ATXN1: variants seen among roughly 807,000 people sequenced by gnomAD.
ATXN1 encodes the protein ataxin 1.
ATXN1 carries 8 observed loss-of-function variants against 56.4 expected under a neutral mutation model. That is an observed-to-expected ratio of 0.14 (90% confidence interval 0.08 to 0.26). ATXN1 has a LOEUF of 0.26. Among genes scored for constraint, ATXN1 ranks in the 10% least tolerant of loss-of-function variants. ATXN1 has a pLI of 1.00. For synonymous variants in ATXN1, 514 were observed against 494.6 expected (o/e 1.04, Z -0.52); for missense variants, 987 against 1,106.5 (o/e 0.89, Z 1.53).
chr6:16,459,536 C>T (rs1490455112), intron 6 of ATXN1, among the ~76,000 whole-genome samples: 2 of 152,162 alleles, frequency 1.3e-5, no homozygotes, highest in African/African-American at 4.8e-5. Context: ...TCCTCTATAT[C>T]CGGTTGTACC....
At chr6:16,705,516 G>A (rs949838340) in intron 2 of ATXN1, among the ~76,000 whole-genome samples, 14 of 152,286 alleles carry the variant, frequency 9.2e-5, no homozygotes, top group African/African-American at 3.1e-4. Flanking sequence ...ATCACAGTGA[G>A]TGGTGTCATT....
In ATXN1 at chr6:16,469,689, T is replaced by C. The variant is rs77728344; in HGVS notation, c.-161+16283A>G. 3.0e-3 allele frequency among the ~76,000 whole-genome samples: 453 copies of C among 152,164 alleles called. 2 individuals carry two copies. Among genetic ancestry groups the C allele is most frequent in the African/African-American group, 9.6e-3 (400 of 41,514 alleles). ...TGAAAGAGAGTTGGTGAAGACTGGG[T>C]GCGGTGGCTCATGCCTGTAATCCCA... On this transcript the variant is annotated intron_variant, in intron 6 of 7. Transcript: ENST00000436367.
At chr6:16,681,010 C>T (rs1354258293) in intron 2 of ATXN1, among the ~76,000 whole-genome samples, 1 of 151,904 alleles carries the variant, frequency 6.6e-6, no homozygotes, top group Non-Finnish European at 1.5e-5. Flanking sequence ...GCTACAAGAC[C>T]AAAAATTGTG....
chr6:16,371,431 T>A (rs749801428), intron 6 of ATXN1, among the ~76,000 whole-genome samples: 29 of 152,296 alleles, frequency 1.9e-4, no homozygotes, highest in Middle Eastern at 3.4e-3. Context: ...GTTTTATTAT[T>A]TGTATTTAAC....
intron 4 of ATXN1, among the ~76,000 whole-genome samples, chr6:16,561,287 T>C (rs909779967): frequency 1.3e-5 from 2 of 152,166 alleles, no homozygotes; most frequent in Admixed American, 6.5e-5. Context: ...CCTAAAACTA[T>C]CTGATTAACT....
At chr6:16,730,815 T>A (rs1474220009) in intron 2 of ATXN1, among the ~76,000 whole-genome samples, 1 of 152,136 alleles carries the variant, frequency 6.6e-6, no homozygotes, top group Non-Finnish European at 1.5e-5. Flanking sequence ...TTAAACATGA[T>A]TTATTCCAGG....
chr6:16,398,194 C>T (rs956267758), intron 6 of ATXN1, among the ~76,000 whole-genome samples: 5 of 152,192 alleles, frequency 3.3e-5, no homozygotes, highest in Admixed American at 1.3e-4. Flanking sequence ...ATACGAACTC[C>T]ACCATCTAAG....
At chr6:16,334,755 TA>T (rs1373905045) in intron 6 of ATXN1, among the ~76,000 whole-genome samples, 1 of 152,066 alleles carries the variant, frequency 6.6e-6, no homozygotes, top group African/African-American at 2.4e-5. Context: ...AATAAGGGAA[TA>T]AATACTGCAA....
In ATXN1 at chr6:16,327,901, C is replaced by G. The variant is rs1371601429; in HGVS notation, c.410G>C (p.Gly137Ala). Residue 137 changes from glycine (G) to alanine (A), a missense_variant, in exon 7 of 8, where the codon GGA (glycine) becomes GCA (alanine). By Grantham distance (60) the Gly-to-Ala change is moderately conservative. Transcript: ENST00000436367. The part of the protein sequence containing the change: ...FQFIGSSQYS[G>A]TYASFIPSQL... ...TGATGGGATGAAGCTGGCATAGGTT[C>G]CACTGTATTGGGAGGACCCAATGAA... 3 of 1,608,660 alleles carry G rather than the reference C, an allele frequency of 1.9e-6. No individual in the cohort carries two copies. In the South Asian group the frequency reaches 3.3e-5, roughly 18 times the overall value.
chr6:16,534,319 T>A (rs553907868), intron 4 of ATXN1, among the ~76,000 whole-genome samples: 1 of 152,076 alleles, frequency 6.6e-6, no homozygotes, highest in South Asian at 2.1e-4. Context: ...ATCTCTACTG[T>A]AACCATTTTT....
chr6:16,482,902 T>C (rs1258221665), intron 6 of ATXN1, among the ~76,000 whole-genome samples: 16 of 152,196 alleles, frequency 1.1e-4, no homozygotes, highest in Admixed American at 1.0e-3. Flanking sequence ...AAATAAACGT[T>C]CAATTGGCCT....
chr6:16,759,540 T>TTTTG (rs1220898222), intron 1 of ATXN1, among the ~76,000 whole-genome samples: 1 of 145,250 alleles, frequency 6.9e-6, no homozygotes, highest in East Asian at 2.0e-4. Flanking sequence ...GTTTTTTTTT[T>TTTTG]TTTTTTTTTT....
chr6:16,396,777 C>T (rs1040421376), intron 6 of ATXN1, among the ~76,000 whole-genome samples: 1 of 152,116 alleles, frequency 6.6e-6, no homozygotes, highest in South Asian at 2.1e-4. Flanking sequence ...TATAGGTGTG[C>T]CCTTTTAAAA....
At chr6:16,616,402 T>C (rs1763209400) in intron 3 of ATXN1, among the ~76,000 whole-genome samples, 1 of 151,576 alleles carries the variant, frequency 6.6e-6, no homozygotes, top group African/African-American at 2.4e-5. Context: ...TAGCCAGGTG[T>C]GGTGGTACAC....
At chr6:16,529,692 C>T (rs959686179) in intron 4 of ATXN1, among the ~76,000 whole-genome samples, 7 of 151,664 alleles carry the variant, frequency 4.6e-5, no homozygotes, top group African/African-American at 1.5e-4. Context: ...ATGTGTTTCT[C>T]GTCGGATAAA....
At chr6:16,758,937 G>C (rs1760973036) in intron 1 of ATXN1, among the ~76,000 whole-genome samples, 1 of 152,186 alleles carries the variant, frequency 6.6e-6, no homozygotes, top group Non-Finnish European at 1.5e-5. Context: ...TTCCTGTGCA[G>C]GATTTTCTCT....
chr6:16,603,053 G>A (rs1213117027), intron 3 of ATXN1, among the ~76,000 whole-genome samples: 1 of 152,158 alleles, frequency 6.6e-6, no homozygotes, highest in Non-Finnish European at 1.5e-5. Context: ...TTCTTTCTAA[G>A]TGCCGATAAA....
At chr6:16,534,386 C>T (rs1448649767) in intron 4 of ATXN1, among the ~76,000 whole-genome samples, 1 of 150,948 alleles carries the variant, frequency 6.6e-6, no homozygotes, top group East Asian at 1.9e-4. Flanking sequence ...CTGAAAAAGA[C>T]TACTAGAGGA....
intron 4 of ATXN1, among the ~76,000 whole-genome samples, chr6:16,549,870 T>C (rs1581838134): frequency 8.5e-6 from 1 of 117,426 alleles, no homozygotes; most frequent in Non-Finnish European, 1.6e-5. Flanking sequence ...CACTCCAGCC[T>C]GGGCAACAAG....
Sources: allele counts gnomAD v4.1 joint callset (sites outside exome capture counted in the v4.1 genomes callset), GRCh38; gene constraint gnomAD v4.1.1; transcripts MANE v1.5; gene names NCBI Gene and HGNC (gene_info 2026-07-23, HGNC 2026-07-21).